PARP12: variants seen among roughly 807,000 people sequenced by gnomAD.
PARP12 encodes protein mono-ADP-ribosyltransferase PARP12.
PARP12 carries 59 observed loss-of-function variants against 72.4 expected under a neutral mutation model. The observed-to-expected ratio is 0.81, with a 90% CI of 0.66 to 1.01. PARP12 has a LOEUF of 1.01. Ranked by LOEUF, PARP12 falls within the 50% of genes least tolerant of loss-of-function variation. PARP12 has a pLI of 0.00. For missense variants in PARP12, 851 were observed against 914.0 expected (o/e 0.93, Z 0.89); for synonymous variants, 403 against 371.4 (o/e 1.09, Z -0.98).
chr7:140,062,290 A>G (rs1817489573), intron 1 of PARP12, among the ~76,000 whole-genome samples: 1 of 144,740 alleles, frequency 6.9e-6, no homozygotes, highest in South Asian at 2.2e-4. Flanking sequence ...TATGTAAATC[A>G]CTCTCTCCCC....
At chr7:140,046,793 G>A (rs1816745726) in intron 5 of PARP12, 91 bp downstream of exon 5, 1 of 1,034,936 alleles carries the variant, frequency 9.7e-7, no homozygotes, top group Non-Finnish European at 1.3e-6. Flanking sequence ...AGACTAGGCT[G>A]CTCACAGTGT....
At chr7:140,031,998 C>T (rs574801358) in intron 8 of PARP12, among the ~76,000 whole-genome samples, 1 of 152,038 alleles carries the variant, frequency 6.6e-6, no homozygotes, top group South Asian at 2.1e-4. Flanking sequence ...TATAACAAAA[C>T]GAGGGCCAAC....
At chr7:140,036,321 A>T (rs1034635772) in intron 7 of PARP12, among the ~76,000 whole-genome samples, 1 of 152,242 alleles carries the variant, frequency 6.6e-6, no homozygotes, top group African/African-American at 2.4e-5. Context: ...CTTGCCACAC[A>T]GTCCTGACCT....
rs963795049 is a variant in PARP12, at chr7:140,024,951, G to A, written c.1781-66C>T. 192 of 1,459,236 alleles carry A rather than the reference G, an allele frequency of 1.3e-4. No individual in the cohort carries two copies. The Middle Eastern group carries it at 1.9e-3, about 14-fold the overall frequency. The allele number at this position is 1,459,236 out of a possible 1,614,324, so 90.4% of individuals were successfully genotyped here. A position where few individuals can be genotyped will look rare whatever the true frequency, so the allele number is the denominator to read the frequency against. ...CAGCCAGGAAGGGTCAGCACACTGC[G>A]AATAGCGTCCTGGTGATGTGCAACG... On this transcript the variant is annotated intron_variant, in intron 11 of 11. Coordinates refer to ENST00000263549, the MANE Select transcript of PARP12 (RefSeq NM_022750.4).
chr7:140,026,586 G>A (rs990253688), intron 10 of PARP12, among the ~76,000 whole-genome samples: 1 of 152,142 alleles, frequency 6.6e-6, no homozygotes, highest in African/African-American at 2.4e-5. Context: ...AGACAGCAGC[G>A]GTTCCCTGGA....
chr7:140,047,015 A>G lies in PARP12; in HGVS notation c.863-8T>C. ...GAACTCTATGGCACTTATCTGAAATAAAAACATAAAGGAGTAAGATAGCTG... is the reference window on the plus strand; with the variant it reads ...GAACTCTATGGCACTTATCTGAAATGAAAACATAAAGGAGTAAGATAGCTG... On this transcript the variant is annotated splice_polypyrimidine_tract_variant and splice_region_variant and intron_variant, in intron 4 of 11. Transcript: ENST00000263549. The G allele has an allele frequency of 1.2e-6, 2 of 1,609,472 alleles. No individual in the cohort carries two copies. The highest frequency in any genetic ancestry group is 1.7e-6 in the Non-Finnish European group (2 of 1,177,796).
In PARP12 at chr7:140,062,680, G is replaced by T; in HGVS notation, c.168C>A (p.Gly56=). The T allele has an allele frequency of 7.9e-7, 1 of 1,270,436 alleles. No homozygotes were observed. 78.7% of individuals were successfully genotyped at this position (1,270,436 alleles called of 1,614,324 possible). A position where few individuals can be genotyped will look rare whatever the true frequency, so the allele number is the denominator to read the frequency against. ...RGRFVVAVRA[G]GAAAAPERVV... is the part of the protein sequence containing the mutation. ...CGCGCTCCGGGGCCGCGGCTGCGCC[G>T]CCCGCCCGCACCGCCACCACGAAGC... Residue 56 remains glycine, a synonymous_variant, in exon 1 of 12, where the codon GGC becomes GGA. Transcript: ENST00000263549.
chr7:140,037,737 G>A lies in PARP12; in HGVS notation c.1302C>T (p.His434=), dbSNP rs759676170. The change falls in exon 7 of 12, where the codon CAC becomes CAT. Residue 434 remains histidine, a synonymous_variant. Coordinates refer to ENST00000263549, the MANE Select transcript of PARP12 (RefSeq NM_022750.4). ...AATLKFQAGK[H]NYELDFKAFV... Reference sequence around the variant, plus strand: ...TACCTTTGAAATCTAACTCGTAGTTGTGCTTTCCGGCCTGGAACTTCAAGG... The same window carrying A: ...TACCTTTGAAATCTAACTCGTAGTTATGCTTTCCGGCCTGGAACTTCAAGG... The A allele has an allele frequency of 3.1e-6, 5 of 1,614,084 alleles. No homozygotes were observed. The highest frequency in any genetic ancestry group is 1.7e-5 in the Admixed American group (1 of 60,008).
chr7:140,062,915 G>T lies in PARP12; in HGVS notation c.-68C>A, dbSNP rs150942859. On this transcript the variant is annotated 5_prime_UTR_variant, in exon 1 of 12. Transcript: ENST00000263549. ...CGGACGGCGGCGGACGCTGGCTGGC[G>T]GGCGGCTCTCGCAGGGTGGAGACGC... 8.4e-7 allele frequency: 1 copy of T among 1,194,842 alleles called. No homozygotes were observed. Among genetic ancestry groups the T allele is most frequent in the Non-Finnish European group, 1.0e-6 (1 of 958,244 alleles). The allele number at this position is 1,194,842 out of a possible 1,614,324, so 74.0% of individuals were successfully genotyped here.
At position 140,024,784 on chromosome 7, in the gene PARP12, C is replaced by T. The variant is rs755666596; in HGVS notation, c.1882G>A (p.Val628Ile). ...CGGACAAAGGAGGCATTGCCCCTGA[C>T]GAACTCGCCCACCAGCACCCGGGCC... ...FLARVLVGEFVRGNASFVRPP... is the reference protein window; with the variant it reads ...FLARVLVGEFIRGNASFVRPP... Residue 628 changes from valine to isoleucine, a missense_variant, in exon 12 of 12, where the codon GTC (valine) becomes ATC (isoleucine). Coordinates refer to ENST00000263549, the MANE Select transcript of PARP12 (RefSeq NM_022750.4). 27 of 1,614,076 alleles carry T rather than the reference C, an allele frequency of 1.7e-5. No homozygotes were observed. The African/African-American group carries it at 1.9e-4, about 11-fold the overall frequency.
At chr7:140,038,870 G>GA (rs912957855) in intron 6 of PARP12, among the ~76,000 whole-genome samples, 39 of 151,874 alleles carry the variant, frequency 2.6e-4, no homozygotes, top group Admixed American at 1.4e-3. Flanking sequence ...TGGAGAAGGG[G>GA]AAAAAAAAGT....
At chr7:140,042,286 G>A (rs189583489) in intron 5 of PARP12, among the ~76,000 whole-genome samples, 9 of 152,304 alleles carry the variant, frequency 5.9e-5, no homozygotes, top group Admixed American at 1.3e-4. Context: ...CTTCACAGAC[G>A]GGAAAACAGA....
chr7:140,056,564 G>T (rs2116659640), intron 3 of PARP12, among the ~76,000 whole-genome samples: 1 of 152,250 alleles, frequency 6.6e-6, no homozygotes, highest in Non-Finnish European at 1.5e-5. Context: ...AGGGGGAGGA[G>T]CCAAGTCTCC....
intron 6 of PARP12, among the ~76,000 whole-genome samples, chr7:140,040,132 C>T (rs1192019339): frequency 6.6e-6 from 1 of 152,220 alleles, no homozygotes; most frequent in African/African-American, 2.4e-5. Flanking sequence ...ATGGTCACAT[C>T]TGCTAAGTGT....
intron 4 of PARP12, among the ~76,000 whole-genome samples, chr7:140,051,143 C>G (rs2116633258): frequency 6.6e-6 from 1 of 152,162 alleles, no homozygotes; most frequent in South Asian, 2.1e-4. Flanking sequence ...GATGGCTGCC[C>G]AATTCTGTGT....
intron 7 of PARP12, among the ~76,000 whole-genome samples, chr7:140,037,202 T>TA (rs1183900940): frequency 1.3e-5 from 2 of 152,332 alleles, no homozygotes; most frequent in East Asian, 3.9e-4. Flanking sequence ...CTCATGACTG[T>TA]AATTCCAGCT....
chr7:140,024,780 C>T lies in PARP12; in HGVS notation c.1886G>A (p.Arg629Lys). 2 of 1,614,190 alleles carry T rather than the reference C, an allele frequency of 1.2e-6. No individual in the cohort carries two copies. Among genetic ancestry groups the T allele is most frequent in the Non-Finnish European group, 1.7e-6 (2 of 1,180,024 alleles). ...LARVLVGEFV[R>K]GNASFVRPPA... ...CGGACGGACAAAGGAGGCATTGCCCCTGACGAACTCGCCCACCAGCACCCG... is the reference window on the plus strand; with the variant it reads ...CGGACGGACAAAGGAGGCATTGCCCTTGACGAACTCGCCCACCAGCACCCG... The change falls in exon 12 of 12, where the codon AGG (arginine) becomes AAG (lysine). Residue 629 changes from arginine to lysine, a missense_variant. Physicochemically the swap from Arg to Lys is conservative, Grantham distance 26 (BLOSUM62 2). This residue lies in a region of PARP12 where 347 missense variants were observed against 396.1 expected (regional missense o/e 0.88). Coordinates refer to ENST00000263549, the MANE Select transcript of PARP12 (RefSeq NM_022750.4).
intron 6 of PARP12, chr7:140,041,391 A>G (rs1210985590): frequency 1.6e-5 from 6 of 380,526 alleles, no homozygotes; most frequent in African/African-American, 4.0e-5. Flanking sequence ...AAGAAACTTG[A>G]TCTCACTACA....
At chr7:140,040,866 T>C (rs1263042823) in intron 6 of PARP12, among the ~76,000 whole-genome samples, 2 of 152,154 alleles carry the variant, frequency 1.3e-5, no homozygotes, top group Non-Finnish European at 2.9e-5. Flanking sequence ...CGGGTTCAAG[T>C]GATTCTCATT....
Sources: gnomAD v4.1 joint callset for allele counts (sites outside exome capture counted in the v4.1 genomes callset) on GRCh38, gnomAD v4.1.1 for gene constraint, gnomAD v4.1.1 regional missense constraint, MANE v1.5 for transcripts, NCBI Gene and HGNC (gene_info 2026-07-23, HGNC 2026-07-21) for gene names.